PTPRG: variants seen among roughly 807,000 people sequenced by gnomAD.
The protein encoded by PTPRG is receptor-type tyrosine-protein phosphatase gamma.
A neutral mutation model predicts 165.3 loss-of-function variants in PTPRG; 102 were observed. The observed-to-expected ratio is 0.62, with a 90% CI of 0.53 to 0.73. The LOEUF (loss-of-function observed/expected upper bound fraction) is 0.73, where lower values mean the gene tolerates loss of function less well. Ranked by LOEUF, PTPRG falls within the 30% of genes least tolerant of loss-of-function variation. The probability of loss-of-function intolerance (pLI) is 0.00; values close to 1 mark genes in which losing one functional copy is unlikely to be tolerated. For missense variants in PTPRG, 1,866 were observed against 1,861.4 expected, an observed-to-expected ratio of 1.00 and a Z score of -0.05; for synonymous variants, 675 against 669.5, an observed-to-expected ratio of 1.01 and a Z score of -0.13.
chr3:62,256,665 C>T (rs1198860536), intron 16 of PTPRG, among the ~76,000 whole-genome samples: 1 of 152,154 alleles, frequency 6.6e-6, no homozygotes, highest in Non-Finnish European at 1.5e-5. Context: ...AGGCATTTAA[C>T]AACGTTGATG....
chr3:61,620,472 T>G (rs773731058), intron 1 of PTPRG, among the ~76,000 whole-genome samples: 2 of 152,138 alleles, frequency 1.3e-5, no homozygotes, highest in East Asian at 1.9e-4. Context: ...GGTCAACCAT[T>G]ATTTGCACCT....
At chr3:61,896,878 A>G (rs1251420199) in intron 2 of PTPRG, among the ~76,000 whole-genome samples, 1 of 151,112 alleles carries the variant, frequency 6.6e-6, no homozygotes. Context: ...TTGGTGAACT[A>G]TTCGTGTCTT....
intron 2 of PTPRG, among the ~76,000 whole-genome samples, chr3:61,974,230 AC>A (rs1039726036): frequency 2.7e-5 from 4 of 146,870 alleles, no homozygotes; most frequent in African/African-American, 7.7e-5. Context: ...TGTACATGGA[AC>A]TTTTTTTGTA....
intron 2 of PTPRG, among the ~76,000 whole-genome samples, chr3:61,913,981 T>G (rs887302297): frequency 2.0e-5 from 3 of 152,188 alleles, no homozygotes; most frequent in Non-Finnish European, 1.5e-5. Flanking sequence ...CTATTTTGTT[T>G]CAGTGTTATA....
At chr3:61,849,762 C>G (rs2036910011) in intron 2 of PTPRG, among the ~76,000 whole-genome samples, 1 of 152,142 alleles carries the variant, frequency 6.6e-6, no homozygotes, top group Non-Finnish European at 1.5e-5. Flanking sequence ...CCTGCGTATA[C>G]CCATAGCAGG....
chr3:62,076,330 T>A (rs571725579), intron 4 of PTPRG, among the ~76,000 whole-genome samples: 22 of 152,206 alleles, frequency 1.4e-4, no homozygotes, highest in Non-Finnish European at 3.2e-4. Flanking sequence ...GATGGTGATT[T>A]GTTGAGCATC....
chr3:62,159,976 C>T (rs1704685513), intron 7 of PTPRG, among the ~76,000 whole-genome samples: 1 of 152,224 alleles, frequency 6.6e-6, no homozygotes, highest in Non-Finnish European at 1.5e-5. Context: ...AACATTCTTT[C>T]TGAAGTTAGC....
chr3:61,739,118 A>G (rs539454492), intron 1 of PTPRG: 1 of 151,552 alleles, frequency 6.6e-6, no homozygotes, highest in South Asian at 2.1e-4. Context: ...TGAAAAAAAA[A>G]AATTTTTTTT....
intron 1 of PTPRG, among the ~76,000 whole-genome samples, chr3:61,596,506 A>G (rs771798740): frequency 1.1e-4 from 16 of 152,186 alleles, no homozygotes; most frequent in Non-Finnish European, 1.8e-4. Context: ...TTGACAAATA[A>G]CTGGGGCAGT....
chr3:62,013,807 C>T (rs2041481578), intron 4 of PTPRG, among the ~76,000 whole-genome samples: 1 of 150,898 alleles, frequency 6.6e-6, no homozygotes, highest in African/African-American at 2.4e-5. Flanking sequence ...TCTTTATAAG[C>T]TTTAACTTTT....
intron 6 of PTPRG, 97 bp downstream of exon 6, chr3:62,132,765 A>G: frequency 9.2e-7 from 1 of 1,092,016 alleles, no homozygotes; most frequent in Non-Finnish European, 1.4e-6. Context: ...AGAGGGTGAC[A>G]CCTATTCCTC....
intron 4 of PTPRG, among the ~76,000 whole-genome samples, chr3:62,049,105 AAAAAC>A (rs200005410): frequency 0.019 from 2,775 of 143,360 alleles, 42 homozygotes; most frequent in Admixed American, 0.032. Flanking sequence ...CCTAAAAAGT[AAAAAC>A]AAAACAAAAC....
At chr3:61,908,391 C>T (rs1436322933) in intron 2 of PTPRG, among the ~76,000 whole-genome samples, 1 of 139,244 alleles carries the variant, frequency 7.2e-6, no homozygotes, top group East Asian at 2.2e-4. Flanking sequence ...TACTACTGTA[C>T]TCCAGCCTGG....
At chr3:62,170,571 G>T (rs377223622) in intron 8 of PTPRG, among the ~76,000 whole-genome samples, 2 of 152,142 alleles carry the variant, frequency 1.3e-5, no homozygotes, top group Non-Finnish European at 2.9e-5. Flanking sequence ...AAGTAGGCAC[G>T]ATCTTCCACT....
intron 1 of PTPRG, among the ~76,000 whole-genome samples, chr3:61,688,847 C>G (rs2029958057): frequency 6.6e-6 from 1 of 152,180 alleles, no homozygotes; most frequent in Non-Finnish European, 1.5e-5. Flanking sequence ...GTAGAAGAAG[C>G]TTAGATAGGG....
At chr3:61,852,159 T>C (rs2036981064) in intron 2 of PTPRG, among the ~76,000 whole-genome samples, 1 of 152,212 alleles carries the variant, frequency 6.6e-6, no homozygotes, top group Non-Finnish European at 1.5e-5. Context: ...GGTGTTTGGA[T>C]ACAGTATTAG....
chr3:62,038,473 C>T (rs140007356), intron 4 of PTPRG, among the ~76,000 whole-genome samples: 1 of 152,174 alleles, frequency 6.6e-6, no homozygotes, highest in Non-Finnish European at 1.5e-5. Flanking sequence ...TCTTGGCTCA[C>T]TGCCGCCTCA....
At chr3:62,084,763 A>T (rs1169104661) in intron 5 of PTPRG, among the ~76,000 whole-genome samples, 1 of 151,690 alleles carries the variant, frequency 6.6e-6, no homozygotes, top group South Asian at 2.1e-4. Context: ...CCTTTGACCC[A>T]CTCTGACTTA....
In PTPRG at chr3:62,037,741, G is replaced by A. The variant is rs567133042; in HGVS notation, c.519+34244G>A. On this transcript the variant is annotated intron_variant, in intron 4 of 29. Transcript: ENST00000474889. The stretch of plus-strand genomic sequence containing the variant: ...AATTAATTTCTCAGTTCTGAGGTGA[G>A]GGCTGGAAAGGCCCAGGTCAAAATG... Among the ~76,000 whole-genome samples, 14 of 152,226 alleles carry A rather than the reference G, an allele frequency of 9.2e-5. No homozygotes were observed. In the East Asian group the frequency reaches 1.2e-3, roughly 13 times the overall value.
Sources: allele counts gnomAD v4.1 joint callset (sites outside exome capture counted in the v4.1 genomes callset), GRCh38; gene constraint gnomAD v4.1.1; transcripts MANE v1.5; gene names NCBI Gene and HGNC (gene_info 2026-07-23, HGNC 2026-07-21).